Variants in C8orf74 observed in about 807,000 individuals in gnomAD.
C8orf74 encodes the protein chromosome 8 open reading frame 74.
C8orf74 carries 29 observed loss-of-function variants against 22.2 expected under a neutral mutation model. That is an observed-to-expected ratio of 1.31 (90% CI 0.97 to 1.78). C8orf74 has a LOEUF of 1.78. Ranked by LOEUF, C8orf74 falls within the 40% of genes most tolerant of loss-of-function variation. The pLI is 0.00. For missense variants in C8orf74, 515 were observed against 369.9 expected (o/e 1.39, Z -3.22); for synonymous variants, 255 against 163.1 (o/e 1.56, Z -4.30).
At chr8:10,694,663 A>C (rs1419928818) in intron 2 of C8orf74, among the ~76,000 whole-genome samples, 2 of 152,236 alleles carry the variant, frequency 1.3e-5, no homozygotes, top group African/African-American at 4.8e-5. Context: ...TTAGGAATCA[A>C]AGAAAAGACA....
chr8:10,692,178 G>C (rs546025964), intron 2 of C8orf74: 23 of 152,654 alleles, frequency 1.5e-4, no homozygotes, highest in Admixed American at 1.2e-3. Context: ...GGACAGGAAG[G>C]GACACAGGGC....
At chr8:10,688,699 A>G (rs962357199) in intron 2 of C8orf74, 2 of 152,298 alleles carry the variant, frequency 1.3e-5, no homozygotes, top group Non-Finnish European at 2.9e-5. Flanking sequence ...GTCCGGGCCC[A>G]TCCTGATGAG....
chr8:10,690,912 C>T, intron 2 of C8orf74: 1 of 456,168 alleles, frequency 2.2e-6, no homozygotes, highest in South Asian at 1.5e-5. Flanking sequence ...CAGGAAGTTC[C>T]CAGCAGCCAA....
At chr8:10,679,612 G>A (rs1357310456) in intron 2 of C8orf74, among the ~76,000 whole-genome samples, 1 of 152,188 alleles carries the variant, frequency 6.6e-6, no homozygotes, top group Non-Finnish European at 1.5e-5. Context: ...TCCTTGGATC[G>A]CATCACCCAG....
rs561170572 is a variant in C8orf74 at position 10,674,817 on chromosome 8, G to T, written c.220G>T (p.Glu74Ter). ...EVAQVVKFTE[E>*]LLRETKGCSI... is the part of the protein sequence containing the mutation. ...GGCCCAGGTGGTCAAGTTCACAGAA[G>T]AGCTGCTAAGGGAAACCAAAGGTAT... The change falls in exon 2 of 4, where the codon GAG becomes TAG. Residue 74 changes from glutamate (E) to a stop codon, truncating the protein, a stop_gained. Coordinates refer to ENST00000304519, the MANE Select transcript of C8orf74 (RefSeq NM_001040032.2). LOFTEE classifies it high-confidence loss of function. The T allele has an allele frequency of 5.0e-6, 8 of 1,603,046 alleles. No individual in the cohort carries two copies. Among genetic ancestry groups the T allele is most frequent in the African/African-American group, 4.0e-5 (3 of 74,836 alleles).
chr8:10,688,591 T>C (rs1799310571), intron 2 of C8orf74: 2 of 152,326 alleles, frequency 1.3e-5, no homozygotes, highest in South Asian at 2.1e-4. Context: ...CCGTGAATGG[T>C]GGCTGAGAAC....
chr8:10,687,476 C>T (rs1799285315), intron 2 of C8orf74, among the ~76,000 whole-genome samples: 1 of 151,742 alleles, frequency 6.6e-6, no homozygotes, highest in Non-Finnish European at 1.5e-5. Flanking sequence ...ATGGCAAAAC[C>T]CCCATCTCTA....
At chr8:10,696,829 A>G (rs1799511606) in intron 2 of C8orf74, among the ~76,000 whole-genome samples, 1 of 151,914 alleles carries the variant, frequency 6.6e-6, no homozygotes, top group Non-Finnish European at 1.5e-5. Flanking sequence ...AACAAGATAA[A>G]GCACAGCGAA....
In C8orf74 at chr8:10,700,417, A is replaced by T. The variant is rs1799631935; in HGVS notation, c.831A>T (p.Glu277Asp). 1 of 1,609,758 alleles carries T rather than the reference A, an allele frequency of 6.2e-7. No homozygotes were observed. Among genetic ancestry groups the T allele is most frequent in the Admixed American group, 1.7e-5 (1 of 59,662 alleles). The change falls in exon 4 of 4, where the codon GAA (glutamate) becomes GAT (aspartate). Residue 277 changes from glutamate (E) to aspartate (D), a missense_variant. By Grantham distance (45) the Glu-to-Asp change is conservative. Coordinates refer to ENST00000304519, the MANE Select transcript of C8orf74 (RefSeq NM_001040032.2). Reference protein sequence around the residue: ...PPITSHAGQEEALKPQRASKG... With the variant: ...PPITSHAGQEDALKPQRASKG... ...TCACCAGCCACGCAGGCCAGGAGGA[A>T]GCCCTGAAGCCCCAAAGAGCGAGCA...
In C8orf74 at chr8:10,700,232, C is replaced by T. The variant is rs980311476; in HGVS notation, c.649-3C>T. 1 of 1,585,876 alleles carries T rather than the reference C, an allele frequency of 6.3e-7. No homozygotes were observed. The highest frequency in any genetic ancestry group is 1.7e-5 in the Admixed American group (1 of 58,148). On this transcript the variant is annotated splice_polypyrimidine_tract_variant and splice_region_variant and intron_variant, in intron 3 of 3. Transcript: ENST00000304519. ...GCTCATCGGCCTTCCCCTTTCCTTC[C>T]AGGAGTTGGAGAGCCTCATCTGCCA...
intron 2 of C8orf74, among the ~76,000 whole-genome samples, chr8:10,683,242 C>T (rs1799189831): frequency 6.6e-6 from 1 of 152,176 alleles, no homozygotes; most frequent in African/African-American, 2.4e-5. Context: ...GGATCCTGGC[C>T]CCAGCAGGAA....
chr8:10,685,544 A>G (rs181642719), intron 2 of C8orf74, among the ~76,000 whole-genome samples: 2 of 152,372 alleles, frequency 1.3e-5, no homozygotes, highest in East Asian at 3.9e-4. Context: ...TCTAGATGCA[A>G]AAGAATAAAT....
chr8:10,693,836 C>T (rs1233903693), intron 2 of C8orf74, among the ~76,000 whole-genome samples: 1 of 152,244 alleles, frequency 6.6e-6, no homozygotes, highest in African/African-American at 2.4e-5. Context: ...GTGCACTGCC[C>T]AGAAGACAGA....
chr8:10,685,505 C>A (rs898237543), intron 2 of C8orf74, among the ~76,000 whole-genome samples: 102 of 152,300 alleles, frequency 6.7e-4, no homozygotes, highest in Admixed American at 1.9e-3. Flanking sequence ...CACGGAGGAA[C>A]CTTGAAGACA....
chr8:10,694,284 T>A (rs1273229835), intron 2 of C8orf74, among the ~76,000 whole-genome samples: 8 of 152,166 alleles, frequency 5.3e-5, no homozygotes, highest in African/African-American at 1.4e-4. Flanking sequence ...AATTTATAGG[T>A]TCAGTCACCG....
chr8:10,676,067 G>A (rs1799026107), intron 2 of C8orf74, among the ~76,000 whole-genome samples: 1 of 152,134 alleles, frequency 6.6e-6, no homozygotes, highest in Non-Finnish European at 1.5e-5. Context: ...AGGATGCTTC[G>A]GTGGGGTGTG....
rs767409792 is a variant in C8orf74, at chr8:10,674,690, G to A, written c.93G>A (p.Glu31=). The A allele has an allele frequency of 3.7e-6, 6 of 1,610,406 alleles. No homozygotes were observed. In the East Asian group the frequency reaches 6.7e-5, roughly 18 times the overall value. The change falls in exon 2 of 4, where the codon GAG becomes GAA. Residue 31 remains glutamate (E), a synonymous_variant. Coordinates refer to ENST00000304519, the MANE Select transcript of C8orf74 (RefSeq NM_001040032.2). ...GCCTGCGGAGGCTTCTGAACTGGGA[G>A]GAGTTTGACGAACAGAGAGACTCCC... ...RERLRRLLNW[E]EFDEQRDSRR...
At chr8:10,672,807 C>G (rs1031719888) in intron 1 of C8orf74, 94 bp downstream of exon 1, 8 of 1,132,470 alleles carry the variant, frequency 7.1e-6, no homozygotes, top group African/African-American at 1.6e-5. Context: ...CAGGAGACCC[C>G]GGGGCAGCCA....
At chr8:10,682,438 C>T (rs986123811) in intron 2 of C8orf74, among the ~76,000 whole-genome samples, 3 of 152,166 alleles carry the variant, frequency 2.0e-5, no homozygotes, top group Admixed American at 1.3e-4. Context: ...AGGTCAAGGC[C>T]GTGGCAGGGC....
Sources: gnomAD v4.1 joint callset for allele counts (sites outside exome capture counted in the v4.1 genomes callset) on GRCh38, gnomAD v4.1.1 for gene constraint, MANE v1.5 for transcripts, NCBI Gene and HGNC (gene_info 2026-07-23, HGNC 2026-07-21) for gene names.